FARS2: variants seen among roughly 807,000 people sequenced by gnomAD.
FARS2 encodes phenylalanine--tRNA ligase, mitochondrial.
In FARS2, 40 loss-of-function variants were observed where a neutral mutation model predicts 46.4. The ratio of observed to expected loss-of-function variants is 0.86; its 90% CI spans 0.67 to 1.12. The LOEUF is 1.12. Among genes scored for constraint, FARS2 ranks in the 50% most tolerant of loss-of-function variants. FARS2 has a pLI of 0.00. For missense variants in FARS2, 513 were observed against 567.9 expected, an observed-to-expected ratio of 0.90 and a Z score of 0.98; for synonymous variants, 234 against 214.9, an observed-to-expected ratio of 1.09 and a Z score of -0.78.
intron 1 of FARS2, among the ~76,000 whole-genome samples, chr6:5,295,860 A>C (rs1217989626): frequency 6.6e-6 from 1 of 152,144 alleles, no homozygotes; most frequent in African/African-American, 2.4e-5. Context: ...CAGAAGGTAT[A>C]TAGCTCCAAG....
intron 5 of FARS2, among the ~76,000 whole-genome samples, chr6:5,599,185 T>G (rs1774368761): frequency 6.6e-6 from 1 of 152,204 alleles, no homozygotes; most frequent in Non-Finnish European, 1.5e-5. Context: ...TCTCATTATG[T>G]GTGTTTTCAC....
At chr6:5,500,510 G>A (rs1242197581) in intron 4 of FARS2, among the ~76,000 whole-genome samples, 2 of 152,306 alleles carry the variant, frequency 1.3e-5, no homozygotes, top group South Asian at 2.1e-4. Context: ...AAGGCCAGGC[G>A]CCTCAGATGC....
chr6:5,331,276 A>G (rs1358431609), intron 1 of FARS2, among the ~76,000 whole-genome samples: 1 of 152,034 alleles, frequency 6.6e-6, no homozygotes, highest in Non-Finnish European at 1.5e-5. Context: ...ACCTCATTCA[A>G]AGAGTTTTTG....
chr6:5,591,538 A>ATG (rs1240543412), intron 5 of FARS2, among the ~76,000 whole-genome samples: 1 of 152,240 alleles, frequency 6.6e-6, no homozygotes, highest in Admixed American at 6.5e-5. Context: ...GCCTGCTGGC[A>ATG]TGTCCACTCG....
chr6:5,306,324 T>G (rs933229214), intron 1 of FARS2, among the ~76,000 whole-genome samples: 1 of 152,228 alleles, frequency 6.6e-6, no homozygotes, highest in Non-Finnish European at 1.5e-5. Context: ...ATGAAATGAC[T>G]GAGGAGACAA....
chr6:5,398,054 A>T (rs1761013026), intron 2 of FARS2, among the ~76,000 whole-genome samples: 1 of 152,058 alleles, frequency 6.6e-6, no homozygotes, highest in South Asian at 2.1e-4. Flanking sequence ...TGATATGTTA[A>T]CTCTGATCAC....
At chr6:5,566,520 C>G (rs191920365) in intron 5 of FARS2, among the ~76,000 whole-genome samples, 39 of 152,278 alleles carry the variant, frequency 2.6e-4, no homozygotes, top group Non-Finnish European at 5.0e-4. Context: ...GATGCCTCCT[C>G]TGTTTTTCCC....
intron 1 of FARS2, among the ~76,000 whole-genome samples, chr6:5,282,132 C>T (rs1766773034): frequency 6.6e-6 from 1 of 152,172 alleles, no homozygotes; most frequent in African/African-American, 2.4e-5. Context: ...TGTAGGGATT[C>T]AGATGGCTTT....
intron 4 of FARS2, among the ~76,000 whole-genome samples, chr6:5,432,348 ATATTATATATATATAAT>A (rs1763244392): frequency 3.0e-5 from 1 of 33,040 alleles, no homozygotes; most frequent in Non-Finnish European, 6.0e-5. Flanking sequence ...ATATATATAT[ATATTATATATATATAAT>A]ATATTATATA....
intron 6 of FARS2, among the ~76,000 whole-genome samples, chr6:5,695,548 C>A (rs796905336): frequency 1.2e-4 from 19 of 152,324 alleles, no homozygotes; most frequent in African/African-American, 4.3e-4. Context: ...TGACGAGAAG[C>A]CTTTAAAGGC....
chr6:5,393,981 C>T (rs1258432697), intron 2 of FARS2, among the ~76,000 whole-genome samples: 1 of 152,158 alleles, frequency 6.6e-6, no homozygotes, highest in Non-Finnish European at 1.5e-5. Context: ...CACATTGGAC[C>T]GAAGCTTAAG....
At chr6:5,370,803 A>G (rs1759009927) in intron 2 of FARS2, among the ~76,000 whole-genome samples, 2 of 152,204 alleles carry the variant, frequency 1.3e-5, no homozygotes, top group South Asian at 2.1e-4. Flanking sequence ...CCAATTTGGT[A>G]GTTAGTACAA....
intron 1 of FARS2, among the ~76,000 whole-genome samples, chr6:5,324,210 CT>C (rs1487405037): frequency 6.6e-6 from 1 of 152,186 alleles, no homozygotes; most frequent in East Asian, 1.9e-4. Flanking sequence ...TATTTTAACT[CT>C]TACAGTAGTG....
chr6:5,295,371 CATG>C (rs1215645618), intron 1 of FARS2, among the ~76,000 whole-genome samples: 1 of 151,978 alleles, frequency 6.6e-6, no homozygotes, highest in African/African-American at 2.4e-5. Context: ...AATTGTAGCT[CATG>C]GTGTTATTCT....
intron 6 of FARS2, among the ~76,000 whole-genome samples, chr6:5,674,859 T>C (rs1165441490): frequency 6.6e-6 from 1 of 152,150 alleles, no homozygotes; most frequent in African/African-American, 2.4e-5. Context: ...TTTAAAGAAA[T>C]TGCCTGGTCT....
At chr6:5,290,081 G>C (rs1458683167) in intron 1 of FARS2, among the ~76,000 whole-genome samples, 2 of 152,146 alleles carry the variant, frequency 1.3e-5, no homozygotes, top group Non-Finnish European at 2.9e-5. Context: ...GTTTTGGACA[G>C]AAATAAGAAA....
At chr6:5,405,885 A>G (rs1761562847) in intron 3 of FARS2, among the ~76,000 whole-genome samples, 1 of 152,188 alleles carries the variant, frequency 6.6e-6, no homozygotes, top group Non-Finnish European at 1.5e-5. Context: ...GTATATTAAC[A>G]GTATATTATA....
At chr6:5,726,976 A>G (rs1270748251) in intron 6 of FARS2, among the ~76,000 whole-genome samples, 1 of 152,266 alleles carries the variant, frequency 6.6e-6, no homozygotes, top group Non-Finnish European at 1.5e-5. Flanking sequence ...AAACAAGCAC[A>G]GTTCAAATAC....
chr6:5,476,899 G>A (rs1044784383), intron 4 of FARS2, among the ~76,000 whole-genome samples: 1 of 152,184 alleles, frequency 6.6e-6, no homozygotes, highest in African/African-American at 2.4e-5. Flanking sequence ...TGGAAAACAA[G>A]GAAGTGTATT....
Sources: gnomAD v4.1 joint callset for allele counts (sites outside exome capture counted in the v4.1 genomes callset) on GRCh38, gnomAD v4.1.1 for gene constraint, MANE v1.5 for transcripts, NCBI Gene and HGNC (gene_info 2026-07-23, HGNC 2026-07-21) for gene names.